The following NIN variants were observed in gnomAD, a reference collection of about 807,000 sequenced individuals.
NIN encodes glycogen synthase kinase 3 beta-interacting protein.
NIN carries 137 observed loss-of-function variants against 257.6 expected under a neutral mutation model. The observed-to-expected ratio is 0.53, with a 90% CI of 0.46 to 0.61. NIN has a LOEUF of 0.61. NIN is among the 20% of genes least tolerant of loss of function. The probability of loss-of-function intolerance (pLI) is 0.00; values close to 1 mark genes in which losing one functional copy is unlikely to be tolerated. For synonymous variants in NIN, 918 were observed against 919.8 expected, an observed-to-expected ratio of 1.00 and a Z score of 0.04; for missense variants, 2,439 against 2,501.2, an observed-to-expected ratio of 0.98 and a Z score of 0.53.
chr14:50,723,913 G>T (rs2140302867), intron 30 of NIN: 1 of 451,882 alleles, frequency 2.2e-6, no homozygotes, highest in South Asian at 3.1e-5. Context: ...TAATAGAACA[G>T]ATTGATATTA....
intron 12 of NIN, among the ~76,000 whole-genome samples, chr14:50,768,770 G>A (rs1337966253): frequency 2.6e-5 from 4 of 152,204 alleles, no homozygotes; most frequent in Non-Finnish European, 5.9e-5. Context: ...ATTTAGCTAA[G>A]TAACTGGTAG....
intron 18 of NIN, among the ~76,000 whole-genome samples, chr14:50,755,719 C>G (rs190552701): frequency 7.8e-6 from 1 of 127,716 alleles, no homozygotes; most frequent in African/African-American, 3.1e-5. Flanking sequence ...GTCTGGAGTA[C>G]AATGGCATGA....
intron 5 of NIN, among the ~76,000 whole-genome samples, chr14:50,784,942 A>T (rs927684540): frequency 1.3e-5 from 2 of 152,124 alleles, no homozygotes; most frequent in Admixed American, 1.3e-4. Context: ...CAACAGCCCC[A>T]TTGAGAGTAG....
chr14:50,725,238 C>T lies in NIN; in HGVS notation c.6192+715G>A, dbSNP rs76315526. On this transcript the variant is annotated intron_variant, in intron 30 of 30. Transcript: ENST00000530997. ...AAAGAACTAGGTTGGGCATTTTCTG[C>T]CCCCCACCCCACATGTTCATCTCAG... 2.3e-3 allele frequency among the ~76,000 whole-genome samples: 351 copies of T among 151,936 alleles called. 2 individuals carry two copies. The highest frequency in any genetic ancestry group is 8.0e-3 in the African/African-American group (333 of 41,432).
rs191212150 is a variant in NIN at position 50,747,108 on chromosome 14, G to A, written c.5064+884C>T. Among the ~76,000 whole-genome samples, 769 of 152,266 alleles carry A rather than the reference G, an allele frequency of 5.1e-3. 5 individuals are homozygous for A. Among genetic ancestry groups the A allele is most frequent in the African/African-American group, 0.017 (721 of 41,536 alleles). On this transcript the variant is annotated intron_variant, in intron 22 of 30. Coordinates refer to ENST00000530997, the MANE Select transcript of NIN (RefSeq NM_020921.4). ...GGCCTCAAGTGATCTGCCCACCTTGGCCTCCCAAAGTATTGGGATTACAGG... is the reference window on the plus strand; with the variant it reads ...GGCCTCAAGTGATCTGCCCACCTTGACCTCCCAAAGTATTGGGATTACAGG...
At chr14:50,754,689 A>G (rs2041945968) in intron 19 of NIN, 53 bp downstream of exon 19, 2 of 1,583,496 alleles carry the variant, frequency 1.3e-6, no homozygotes, top group Admixed American at 1.8e-5. Context: ...CTGAAGTAAA[A>G]GAATTTTAGT....
Position 50,787,471 on chromosome 14 carries a change from A to G in NIN, c.435+5241T>C, listed in dbSNP as rs374329967. On this transcript the variant is annotated intron_variant, in intron 5 of 30. Coordinates refer to ENST00000530997, the MANE Select transcript of NIN (RefSeq NM_020921.4). ...CTCTTCTTACTCTCACTTGTTTCTT[A>G]ACAAAGTAAAGCAAAAACAGTGACA... Among the ~76,000 whole-genome samples the G allele has an allele frequency of 1.2e-4, 19 of 152,372 alleles. No homozygotes were observed. The East Asian group carries it at 2.1e-3, about 17-fold the overall frequency.
At chr14:50,764,659 G>T (rs976720324) in intron 14 of NIN, among the ~76,000 whole-genome samples, 1 of 152,060 alleles carries the variant, frequency 6.6e-6, no homozygotes, top group East Asian at 1.9e-4. Context: ...ACTGATACAC[G>T]CTACAACATG....
At chr14:50,740,258 C>G (rs2041214310) in intron 25 of NIN, among the ~76,000 whole-genome samples, 1 of 151,926 alleles carries the variant, frequency 6.6e-6, no homozygotes, top group African/African-American at 2.4e-5. Context: ...ACGATCTCAG[C>G]TCACTGCAAC....
chr14:50,752,691 T>C lies in NIN; in HGVS notation c.4777A>G (p.Asn1593Asp), dbSNP rs1320295392. The stretch of plus-strand genomic sequence containing the variant: ...GAGTTCTTTTGGCTAAGTTCTGTAT[T>C]TTCCAAATCCAATTGTTGGTTTTTG... Reference protein sequence around the residue: ...KIKNQQLDLENTELSQKNSQN... With the variant: ...KIKNQQLDLEDTELSQKNSQN... The change falls in exon 21 of 31, where the codon AAT becomes GAT. Residue 1593 changes from asparagine to aspartate, a missense_variant. Physicochemically the swap from Asn to Asp is conservative, Grantham distance 23. Transcript: ENST00000530997. 2 of 1,604,612 alleles carry C rather than the reference T, an allele frequency of 1.2e-6. No individual in the cohort carries two copies. Among genetic ancestry groups the C allele is most frequent in the African/African-American group, 2.7e-5 (2 of 74,594 alleles).
At chr14:50,825,908 C>G (rs2045435684) in intron 2 of NIN, among the ~76,000 whole-genome samples, 1 of 152,188 alleles carries the variant, frequency 6.6e-6, no homozygotes, top group Non-Finnish European at 1.5e-5. Flanking sequence ...TACAAGGCAC[C>G]AGGGATATAC....
chr14:50,741,398 A>G (rs2041273291), intron 25 of NIN, among the ~76,000 whole-genome samples, 184 bp downstream of exon 25: 1 of 152,236 alleles, frequency 6.6e-6, no homozygotes, highest in African/African-American at 2.4e-5. Context: ...GGAACAAGAG[A>G]GAGCCTGCTG....
chr14:50,730,859 A>T (rs1171563974), intron 28 of NIN: 2 of 1,239,136 alleles, frequency 1.6e-6, no homozygotes, highest in East Asian at 5.2e-5. Flanking sequence ...CAGAAATAAC[A>T]TGAGCAAGGG....
chr14:50,786,416 A>T (rs972301052), intron 5 of NIN, among the ~76,000 whole-genome samples: 13 of 152,314 alleles, frequency 8.5e-5, no homozygotes, highest in Middle Eastern at 3.4e-3. Flanking sequence ...CTGGTCTCCA[A>T]GACAATTCCC....
rs774203670 is a variant in NIN at position 50,754,771 on chromosome 14, C to A, written c.4635G>T (p.Gly1545=). 1.3e-6 allele frequency: 2 copies of A among 1,581,592 alleles called. No individual in the cohort carries two copies. The highest frequency in any genetic ancestry group is 1.4e-5 in the African/African-American group (1 of 73,876). Residue 1545 remains glycine, a synonymous_variant, in exon 19 of 31, where the codon GGG becomes GGT. Transcript: ENST00000530997. The part of the protein sequence containing the change: ...EEDSISNLKL[G]TLNGSQEEMW... ...TTTCTTCCTGAGATCCATTTAATGT[C>A]CCTAATTTCAGGTTAGAAATGCTAT...
intron 26 of NIN, among the ~76,000 whole-genome samples, chr14:50,738,927 A>T (rs1159231875): frequency 6.6e-6 from 1 of 152,104 alleles, no homozygotes; most frequent in Non-Finnish European, 1.5e-5. Context: ...CTTTTAAAGG[A>T]GGCACCTTTT....
At position 50,756,709 on chromosome 14, in the gene NIN, G is replaced by C; in HGVS notation, c.4321C>G (p.Gln1441Glu). Residue 1441 changes from glutamine (Q) to glutamate (E), a missense_variant, in exon 18 of 31, where the codon CAA becomes GAA. Transcript: ENST00000530997. The part of the protein sequence containing the change: ...LEENTTLLGF[Q>E]DKHFQHQATI... ...GCCTGATGCTGAAAATGTTTGTCTTGAAAGCCTAGGAGAGTAGTGTTTTCC... is the reference window on the plus strand; with the variant it reads ...GCCTGATGCTGAAAATGTTTGTCTTCAAAGCCTAGGAGAGTAGTGTTTTCC... 1 of 1,551,642 alleles carries C rather than the reference G, an allele frequency of 6.4e-7. No homozygotes were observed. The highest frequency in any genetic ancestry group is 1.7e-4 in the Middle Eastern group (1 of 5,992).
chr14:50,819,187 C>T (rs2045078607), intron 3 of NIN, among the ~76,000 whole-genome samples: 1 of 152,168 alleles, frequency 6.6e-6, no homozygotes, highest in Non-Finnish European at 1.5e-5. Context: ...AAGCCAGAAG[C>T]ATCCAGGAAG....
At chr14:50,724,362 G>A in intron 30 of NIN, 1 of 213,954 alleles carries the variant, frequency 4.7e-6, no homozygotes, top group Non-Finnish European at 9.5e-6. Context: ...GCATCTAAAA[G>A]TATAAAGGTT....
Sources: allele counts gnomAD v4.1 joint callset (sites outside exome capture counted in the v4.1 genomes callset), GRCh38; gene constraint gnomAD v4.1.1; transcripts MANE v1.5; gene names NCBI Gene and HGNC (gene_info 2026-07-23, HGNC 2026-07-21).